Variants in THSD4 observed in about 807,000 individuals in gnomAD.
THSD4 encodes thrombospondin type 1 domain containing 4, also known as thrombospondin type-1 domain-containing protein 4.
A neutral mutation model predicts 119.0 loss-of-function variants in THSD4; 69 were observed. That is an observed-to-expected ratio of 0.58 (90% CI 0.48 to 0.71). THSD4 has a LOEUF of 0.71. Among genes scored for constraint, THSD4 ranks in the 30% least tolerant of loss-of-function variants. THSD4 has a pLI of 0.00. For missense variants in THSD4, 1,393 were observed against 1,391.1 expected (o/e 1.00, Z -0.02); for synonymous variants, 524 against 540.4 (o/e 0.97, Z 0.42).
chr15:71,714,135 T>A (rs1234879671), intron 8 of THSD4, among the ~76,000 whole-genome samples: 1 of 152,220 alleles, frequency 6.6e-6, no homozygotes, highest in African/African-American at 2.4e-5. Context: ...TGCACCAACC[T>A]TAATACTTAA....
chr15:71,756,266 C>T (rs1010834670), intron 14 of THSD4, among the ~76,000 whole-genome samples: 1 of 152,064 alleles, frequency 6.6e-6, no homozygotes, highest in Admixed American at 6.5e-5. Context: ...TGGAAAGGGG[C>T]AAGACAGGTT....
At chr15:71,305,338 A>G (rs2045009716) in intron 6 of THSD4, among the ~76,000 whole-genome samples, 1 of 152,192 alleles carries the variant, frequency 6.6e-6, no homozygotes, top group African/African-American at 2.4e-5. Flanking sequence ...AGATGAAGAT[A>G]TATTCAATTA....
chr15:71,186,888 A>C (rs898851072), intron 3 of THSD4: 6 of 152,248 alleles, frequency 3.9e-5, no homozygotes, highest in Non-Finnish European at 5.9e-5. Context: ...ACTAGTCATC[A>C]TTGATCTAAG....
intron 6 of THSD4, among the ~76,000 whole-genome samples, chr15:71,339,588 C>G (rs562654167): frequency 1.8e-4 from 28 of 152,184 alleles, no homozygotes; most frequent in African/African-American, 6.7e-4. Context: ...GCATTAAAAT[C>G]CCAGCACTAC....
At chr15:71,409,115 G>C (rs1473601155) in intron 6 of THSD4, among the ~76,000 whole-genome samples, 1 of 151,116 alleles carries the variant, frequency 6.6e-6, no homozygotes, top group East Asian at 2.0e-4. Flanking sequence ...TGGCCATTCG[G>C]AGATTCTGCT....
chr15:71,494,333 AC>A (rs2047976270), intron 7 of THSD4, among the ~76,000 whole-genome samples: 2 of 151,838 alleles, frequency 1.3e-5, no homozygotes, highest in South Asian at 2.1e-4. Flanking sequence ...TTCTTTTCTA[AC>A]CCCCCTTCCA....
intron 7 of THSD4, among the ~76,000 whole-genome samples, chr15:71,580,588 CT>C (rs2049539354): frequency 6.6e-6 from 1 of 152,092 alleles, no homozygotes; most frequent in Admixed American, 6.6e-5. Flanking sequence ...AATTATTTAT[CT>C]TGTGTAACTG....
chr15:71,669,036 T>C (rs1024847137), intron 8 of THSD4, among the ~76,000 whole-genome samples: 14 of 152,228 alleles, frequency 9.2e-5, no homozygotes, highest in Admixed American at 2.0e-4. Flanking sequence ...CAGAAGAATT[T>C]GTAGGTCAAA....
chr15:71,197,455 C>G (rs753120090), intron 3 of THSD4, among the ~76,000 whole-genome samples: 1 of 152,174 alleles, frequency 6.6e-6, no homozygotes, highest in Non-Finnish European at 1.5e-5. Context: ...AGAACTCATG[C>G]CTTAAATGTG....
intron 7 of THSD4, among the ~76,000 whole-genome samples, chr15:71,638,359 T>A (rs774316160): frequency 2.0e-5 from 3 of 152,180 alleles, no homozygotes; most frequent in Non-Finnish European, 2.9e-5. Flanking sequence ...ACATAAAAAT[T>A]GTGATGAAAT....
chr15:71,334,997 T>C (rs908959340), intron 6 of THSD4, among the ~76,000 whole-genome samples: 4 of 152,214 alleles, frequency 2.6e-5, no homozygotes, highest in African/African-American at 9.6e-5. Flanking sequence ...AAGGCCCTCC[T>C]TCCTGAGCAG....
At chr15:71,341,494 G>A in intron 6 of THSD4, 1 of 1,613,138 alleles carries the variant, frequency 6.2e-7, no homozygotes, top group Non-Finnish European at 8.5e-7. Context: ...CCCACTGCTT[G>A]GCCTGCGCAC....
chr15:71,547,299 G>T (rs1044477663), intron 7 of THSD4: 5 of 1,510,830 alleles, frequency 3.3e-6, no homozygotes, highest in East Asian at 5.0e-5. Context: ...GAACCAGCGC[G>T]GTGCCTAGCG....
chr15:71,199,773 GTGGTGTGT>G (rs2043771994), intron 3 of THSD4, among the ~76,000 whole-genome samples: 1 of 141,908 alleles, frequency 7.0e-6, no homozygotes, highest in Non-Finnish European at 1.5e-5. Flanking sequence ...TGTGGTGTGT[GTGGTGTGT>G]GGGTGTGTGC....
chr15:71,483,709 C>T (rs1015458638), intron 7 of THSD4, among the ~76,000 whole-genome samples: 1 of 151,984 alleles, frequency 6.6e-6, no homozygotes, highest in East Asian at 1.9e-4. Context: ...GGTATTAAGC[C>T]CAGCATGCAT....
chr15:71,457,946 G>A (rs563878260), intron 7 of THSD4, among the ~76,000 whole-genome samples: 1 of 152,252 alleles, frequency 6.6e-6, no homozygotes, highest in South Asian at 2.1e-4. Flanking sequence ...CATATATGTG[G>A]GGAATGAACA....
intron 8 of THSD4, among the ~76,000 whole-genome samples, chr15:71,681,262 G>T (rs1278362307): frequency 6.6e-6 from 1 of 151,972 alleles, no homozygotes; most frequent in African/African-American, 2.4e-5. Flanking sequence ...ATTAGTCCAG[G>T]ATTATATGGT....
intron 7 of THSD4, among the ~76,000 whole-genome samples, chr15:71,420,298 T>C (rs1177067977): frequency 1.8e-5 from 2 of 108,382 alleles, no homozygotes; most frequent in Non-Finnish European, 4.1e-5. Context: ...CTCCTGTTCA[T>C]TTTTGGTTTC....
At chr15:71,155,605 C>G (rs1470474925) in intron 3 of THSD4, among the ~76,000 whole-genome samples, 4 of 152,150 alleles carry the variant, frequency 2.6e-5, no homozygotes, top group Non-Finnish European at 5.9e-5. Flanking sequence ...TCTACAAAGG[C>G]ATGGGCAGGG....
Sources: gnomAD v4.1 joint callset for allele counts (sites outside exome capture counted in the v4.1 genomes callset) on GRCh38, gnomAD v4.1.1 for gene constraint, MANE v1.5 for transcripts, NCBI Gene and HGNC (gene_info 2026-07-23, HGNC 2026-07-21) for gene names.